The following CAAP1 variants were observed in gnomAD, a reference collection of about 807,000 sequenced individuals.
CAAP1 encodes caspase activity and apoptosis inhibitor 1.
In CAAP1, 20 loss-of-function variants were observed where a neutral mutation model predicts 34.0. That is an observed-to-expected ratio of 0.59 (90% CI 0.41 to 0.86). The LOEUF is 0.86. Ranked by LOEUF, CAAP1 falls within the 40% of genes least tolerant of loss-of-function variation. The probability of loss-of-function intolerance (pLI) is 0.00; values close to 1 mark genes in which losing one functional copy is unlikely to be tolerated. For missense variants in CAAP1, 538 were observed against 450.5 expected, an observed-to-expected ratio of 1.19 and a Z score of -1.76; for synonymous variants, 213 against 166.7, an observed-to-expected ratio of 1.28 and a Z score of -2.14.
chr9:26,845,758 T>C (rs1822584976), intron 5 of CAAP1, among the ~76,000 whole-genome samples: 1 of 152,216 alleles, frequency 6.6e-6, no homozygotes, highest in South Asian at 2.1e-4. Context: ...GTGTCCACAT[T>C]AGTCTCTCTC....
In CAAP1 at chr9:26,885,140, G is replaced by A. The variant is rs547104159; in HGVS notation, c.590-255C>T. Among the ~76,000 whole-genome samples, 11 of 141,830 alleles carry A rather than the reference G, an allele frequency of 7.8e-5. No homozygotes were observed. In the South Asian group the frequency reaches 2.5e-3, roughly 32 times the overall value. 93.0% of individuals were successfully genotyped at this position (141,830 alleles called of 152,430 possible). On this transcript the variant is annotated intron_variant, in intron 3 of 5. Transcript: ENST00000333916. Reference sequence around the variant, plus strand: ...CACCCCGGCTGGTGTGCAGTGGCATGACCTCGGCTCACTGCAACCTCCACC... The same window carrying A: ...CACCCCGGCTGGTGTGCAGTGGCATAACCTCGGCTCACTGCAACCTCCACC...
chr9:26,854,361 C>T (rs1204416712), intron 5 of CAAP1, among the ~76,000 whole-genome samples: 14 of 152,088 alleles, frequency 9.2e-5, no homozygotes, highest in Non-Finnish European at 4.4e-5. Context: ...GTAGCAGAAA[C>T]AAAATTCAAA....
Position 26,884,843 on chromosome 9 carries a change from T to C in CAAP1, c.632A>G (p.Asp211Gly), listed in dbSNP as rs768090977. 7.5e-6 allele frequency: 12 copies of C among 1,609,730 alleles called. No homozygotes were observed. The South Asian group carries it at 8.8e-5, about 12-fold the overall frequency. ...TAAATCAGATCCCATCTTAGAACCA[T>C]CATCTGCTTCCTCTTCCATATCAGA... ...MDSDMEEEADDGSKMGSDLVS... is the reference protein window; with the variant it reads ...MDSDMEEEADGGSKMGSDLVS... Residue 211 changes from aspartate to glycine, a missense_variant, in exon 4 of 6, where the codon GAT becomes GGT. Around this residue, in one of 3 missense-constraint regions of CAAP1, gnomAD observed 514 missense variants for 408.4 expected, o/e 1.26. Coordinates refer to ENST00000333916, the MANE Select transcript of CAAP1 (RefSeq NM_024828.4).
rs1587135806 is a variant in CAAP1 at position 26,892,576 on chromosome 9, C to G, written c.140G>C (p.Gly47Ala). ...SGSTSGCGSA[G>A]GCGSVSCCGN... ...ACAGCAGCTGACGCTCCCGCAGCCC[C>G]CGGCGCTCCCGCAGCCGCTAGTGCT... Residue 47 changes from glycine (G) to alanine (A), a missense_variant, in exon 1 of 6, where the codon GGG (glycine) becomes GCG (alanine). Around this residue, in one of 3 missense-constraint regions of CAAP1, gnomAD observed 514 missense variants for 408.4 expected, o/e 1.26. Transcript: ENST00000333916. 1.3e-5 allele frequency: 20 copies of G among 1,594,884 alleles called. No homozygotes were observed. The highest frequency in any genetic ancestry group is 1.7e-5 in the Non-Finnish European group (20 of 1,171,678).
intron 5 of CAAP1, among the ~76,000 whole-genome samples, chr9:26,853,238 T>C (rs1257084238): frequency 2.0e-5 from 3 of 152,182 alleles, no homozygotes; most frequent in African/African-American, 7.2e-5. Flanking sequence ...CCAAGGTTCT[T>C]GGCCTGGACA....
intron 5 of CAAP1, among the ~76,000 whole-genome samples, chr9:26,852,409 C>A (rs1222285123): frequency 6.6e-6 from 1 of 151,776 alleles, no homozygotes; most frequent in Non-Finnish European, 1.5e-5. Context: ...GAGCTGAGAT[C>A]ACGCCACTGC....
rs906449356 is a variant in CAAP1 at position 26,841,401 on chromosome 9, G to A, written c.*900C>T. 1 of 152,484 alleles carries A rather than the reference G, an allele frequency of 6.6e-6. No homozygotes were observed. The highest frequency in any genetic ancestry group is 1.5e-5 in the Non-Finnish European group (1 of 67,964). 9.4% of individuals were successfully genotyped at this position (152,484 alleles called of 1,614,324 possible). A position where few individuals can be genotyped will look rare whatever the true frequency, so the allele number is the denominator to read the frequency against. ...TATTTACAAAAACTATACAAAATTA[G>A]ATTAATTATAACAACAACTTATCAA... On this transcript the variant is annotated 3_prime_UTR_variant, in exon 6 of 6. Transcript: ENST00000333916.
At chr9:26,847,227 T>TTTTTTTG (rs1822636028) in intron 5 of CAAP1, among the ~76,000 whole-genome samples, 1 of 109,252 alleles carries the variant, frequency 9.2e-6, no homozygotes, top group Non-Finnish European at 1.8e-5. Context: ...TTTTTTTTTT[T>TTTTTTTG]TTTTTGACAC....
chr9:26,875,439 T>C (rs926119635), intron 4 of CAAP1, among the ~76,000 whole-genome samples: 4 of 152,078 alleles, frequency 2.6e-5, no homozygotes, highest in African/African-American at 9.7e-5. Flanking sequence ...CAAAAAGCAC[T>C]ATAATAAAAG....
chr9:26,857,619 A>T (rs974547965), intron 5 of CAAP1, among the ~76,000 whole-genome samples: 1 of 152,070 alleles, frequency 6.6e-6, no homozygotes, highest in African/African-American at 2.4e-5. Context: ...GTGACAGAGC[A>T]AAAAAACAAA....
At chr9:26,859,426 C>T (rs894809073) in intron 5 of CAAP1, among the ~76,000 whole-genome samples, 1 of 152,130 alleles carries the variant, frequency 6.6e-6, no homozygotes, top group Non-Finnish European at 1.5e-5. Flanking sequence ...GGTCTCCATT[C>T]CTTTTTCCTA....
chr9:26,848,754 T>C (rs1822675957), intron 5 of CAAP1, among the ~76,000 whole-genome samples: 1 of 152,262 alleles, frequency 6.6e-6, no homozygotes. Flanking sequence ...ATATTACTTT[T>C]AGAGAGATTG....
intron 4 of CAAP1, among the ~76,000 whole-genome samples, chr9:26,878,604 C>G (rs564119118): frequency 2.6e-5 from 4 of 152,298 alleles, no homozygotes; most frequent in African/African-American, 7.2e-5. Flanking sequence ...TTCCCCTTCC[C>G]ATTCTCCATC....
chr9:26,852,052 T>C (rs1309274792), intron 5 of CAAP1, among the ~76,000 whole-genome samples: 1 of 152,082 alleles, frequency 6.6e-6, no homozygotes, highest in Non-Finnish European at 1.5e-5. Flanking sequence ...TATTTATTTA[T>C]TTTTAAATTA....
chr9:26,892,358 A>T lies in CAAP1; in HGVS notation c.303+55T>A, dbSNP rs768637573. ...TGCGCCCCATCCCTCTGGAAGCCCG[A>T]CTTCTTCCGAAAAAGCAGCAGCTCC... On this transcript the variant is annotated intron_variant, in intron 1 of 5. Transcript: ENST00000333916. 1.3e-5 allele frequency: 21 copies of T among 1,589,604 alleles called. No homozygotes were observed. The Admixed American group carries it at 3.6e-4, about 27-fold the overall frequency.
At chr9:26,858,822 C>CAA (rs756404393) in intron 5 of CAAP1, among the ~76,000 whole-genome samples, 6,800 of 86,956 alleles carry the variant, frequency 0.078, 237 homozygotes, top group South Asian at 0.14. Context: ...GGCTCCATCT[C>CAA]AAAAAAAAAA....
chr9:26,842,680 C>T (rs765977677), intron 5 of CAAP1, 33 bp from the exon 6 acceptor site: 4 of 1,499,884 alleles, frequency 2.7e-6, no homozygotes, highest in African/African-American at 1.4e-5. Flanking sequence ...ATCCATGTAA[C>T]CTAAATACCA....
At position 26,875,316 on chromosome 9, in the gene CAAP1, G is replaced by GT. The variant is rs200632276; in HGVS notation, c.665+9493dup. ...TGGGAGAATTGCTTGAATCTGGGAGGTGGAGGCTGCAATGAGCTGAGATCA... is the reference window on the plus strand; with the variant it reads ...TGGGAGAATTGCTTGAATCTGGGAGGTTGGAGGCTGCAATGAGCTGAGATCA... On this transcript the variant is annotated intron_variant, in intron 4 of 5. Transcript: ENST00000333916. Among the ~76,000 whole-genome samples, 1,047 of 152,218 alleles carry GT rather than the reference G, an allele frequency of 6.9e-3. 7 individuals carry two copies. Among genetic ancestry groups the GT allele is most frequent in the Non-Finnish European group, 9.7e-3 (661 of 68,008 alleles).
chr9:26,892,684 C>A lies in CAAP1; in HGVS notation c.32G>T (p.Arg11Leu), dbSNP rs1434394132. The A allele has an allele frequency of 6.2e-7, 1 of 1,603,460 alleles. No homozygotes were observed. Among genetic ancestry groups the A allele is most frequent in the African/African-American group, 1.3e-5 (1 of 74,778 alleles). ...CGCCTCCTGACTGCTACGTTTGCGC[C>A]GTTTCTCCCGGGAGGACTTTTTCCC... Reference protein sequence around the residue: MTGKKSSREKRRKRSSQEAAA... With the variant: MTGKKSSREKLRKRSSQEAAA... Residue 11 changes from arginine (R) to leucine (L), a missense_variant, in exon 1 of 6, where the codon CGG becomes CTG. Around this residue, in one of 3 missense-constraint regions of CAAP1, gnomAD observed 514 missense variants for 408.4 expected, o/e 1.26. Coordinates refer to ENST00000333916, the MANE Select transcript of CAAP1 (RefSeq NM_024828.4).
Sources: gnomAD v4.1 joint callset for allele counts (sites outside exome capture counted in the v4.1 genomes callset) on GRCh38, gnomAD v4.1.1 for gene constraint, gnomAD v4.1.1 regional missense constraint, MANE v1.5 for transcripts, NCBI Gene and HGNC (gene_info 2026-07-23, HGNC 2026-07-21) for gene names.